VPS13B: variants seen among roughly 807,000 people sequenced by gnomAD.
The protein encoded by VPS13B is intermembrane lipid transfer protein VPS13B.
A neutral mutation model predicts 426.4 loss-of-function variants in VPS13B; 285 were observed. The observed-to-expected ratio is 0.67, with a 90% CI of 0.61 to 0.74. The LOEUF (loss-of-function observed/expected upper bound fraction) is 0.74. Among genes scored for constraint, VPS13B ranks in the 30% least tolerant of loss-of-function variants. VPS13B has a pLI of 0.00. For synonymous variants in VPS13B, 1,676 were observed against 1,676.4 expected, an observed-to-expected ratio of 1.00 and a Z score of 0.01; for missense variants, 4,537 against 4,782.6, an observed-to-expected ratio of 0.95 and a Z score of 1.51.
chr8:99,319,555 T>C (rs1254307962), intron 19 of VPS13B, among the ~76,000 whole-genome samples: 1 of 152,212 alleles, frequency 6.6e-6, no homozygotes, highest in Non-Finnish European at 1.5e-5. Flanking sequence ...TTTTGGACAT[T>C]GAACAACTTC....
rs1329769473 is a variant in VPS13B, at chr8:99,770,967, T to A, written c.7247+3997T>A. On this transcript the variant is annotated intron_variant, in intron 40 of 61. Transcript: ENST00000357162. ...AAAGGAATCATGAGCCCTACTCTCT[T>A]GGGCCAGCCTGGCAGGTTCCCTGGG... Among the ~76,000 whole-genome samples, 5 of 152,326 alleles carry A rather than the reference T, an allele frequency of 3.3e-5. No individual in the cohort carries two copies. In the East Asian group the frequency reaches 9.7e-4, roughly 29 times the overall value.
At chr8:99,472,962 G>A (rs1819491165) in intron 24 of VPS13B, among the ~76,000 whole-genome samples, 1 of 151,956 alleles carries the variant, frequency 6.6e-6, no homozygotes, top group Non-Finnish European at 1.5e-5. Context: ...GTTGACACAA[G>A]AAGAAAAGAG....
At chr8:99,128,319 G>A (rs1256215863) in intron 8 of VPS13B, among the ~76,000 whole-genome samples, 2 of 146,614 alleles carry the variant, frequency 1.4e-5, no homozygotes, top group Non-Finnish European at 3.0e-5. Context: ...CCTGGGAGGT[G>A]GAGGTTGCAG....
intron 29 of VPS13B, among the ~76,000 whole-genome samples, chr8:99,512,619 G>A (rs1363754398): frequency 6.6e-6 from 1 of 152,170 alleles, no homozygotes; most frequent in Non-Finnish European, 1.5e-5. Context: ...AACTGAGAAT[G>A]GGAGGAAAAC....
intron 17 of VPS13B, among the ~76,000 whole-genome samples, chr8:99,228,209 GA>G (rs2132848676): frequency 6.6e-6 from 1 of 152,252 alleles, no homozygotes. Context: ...TGTAATTTGT[GA>G]AATGCTTTTC....
chr8:99,786,624 T>G (rs746578808), intron 43 of VPS13B, among the ~76,000 whole-genome samples: 1 of 152,290 alleles, frequency 6.6e-6, no homozygotes, highest in East Asian at 1.9e-4. Flanking sequence ...TCACAAACTC[T>G]AAACATAAAA....
chr8:99,085,643 C>T (rs1845736350), intron 3 of VPS13B, among the ~76,000 whole-genome samples: 1 of 152,082 alleles, frequency 6.6e-6, no homozygotes, highest in South Asian at 2.1e-4. Flanking sequence ...TAGGGCAGGC[C>T]TGGTGGTGAC....
rs1233207817 is a variant in VPS13B, at chr8:99,853,642, A to C, written c.10253A>C (p.Tyr3418Ser). 6.2e-7 allele frequency: 1 copy of C among 1,614,002 alleles called. No individual in the cohort carries two copies. The highest frequency in any genetic ancestry group is 8.5e-7 in the Non-Finnish European group (1 of 1,180,022). Residue 3418 changes from tyrosine to serine, a missense_variant, in exon 56 of 62, where the codon TAC (tyrosine) becomes TCC (serine). Transcript: ENST00000357162. ...EEPVAALFEL[Y>S]CVEICCGDLQ... ...CCTGTGGCTGCGTTGTTTGAACTTT[A>C]CTGTGTGGAGATCTGCTGTGGGGAC...
chr8:99,375,480 C>T (rs535724889), intron 19 of VPS13B, among the ~76,000 whole-genome samples: 1 of 152,232 alleles, frequency 6.6e-6, no homozygotes, highest in African/African-American at 2.4e-5. Flanking sequence ...TACGCACATA[C>T]CATACATGTA....
chr8:99,785,950 C>T lies in VPS13B; in HGVS notation c.7941+1474C>T, dbSNP rs140904574. Among the ~76,000 whole-genome samples, 977 of 152,298 alleles carry T rather than the reference C, an allele frequency of 6.4e-3. 11 individuals carry two copies. The highest frequency in any genetic ancestry group is 0.011 in the Non-Finnish European group (729 of 68,012). On this transcript the variant is annotated intron_variant, in intron 43 of 61. Transcript: ENST00000357162. ...CCTGTAGCCACTTTACCGATGCACACACAGCAAGCTCCAGGCCTTAGCCGG... is the reference window on the plus strand; with the variant it reads ...CCTGTAGCCACTTTACCGATGCACATACAGCAAGCTCCAGGCCTTAGCCGG...
chr8:99,140,265 T>A (rs955412187), intron 12 of VPS13B, among the ~76,000 whole-genome samples: 2 of 149,600 alleles, frequency 1.3e-5, no homozygotes, highest in Non-Finnish European at 3.0e-5. Context: ...CTTGGGAGGC[T>A]GAGGCAGGAG....
At chr8:99,757,083 G>A (rs1810676802) in intron 39 of VPS13B, among the ~76,000 whole-genome samples, 1 of 152,168 alleles carries the variant, frequency 6.6e-6, no homozygotes, top group Non-Finnish European at 1.5e-5. Context: ...TACCACAGCT[G>A]CCATCACTAC....
chr8:99,392,408 CCT>C (rs1213980434), intron 21 of VPS13B, among the ~76,000 whole-genome samples: 1 of 151,298 alleles, frequency 6.6e-6, no homozygotes, highest in African/African-American at 2.4e-5. Flanking sequence ...TTCTTCTTAA[CCT>C]CTAATTTTTA....
chr8:99,818,714 T>C lies in VPS13B; in HGVS notation c.8447T>C (p.Ile2816Thr), dbSNP rs760064540. The change falls in exon 47 of 62, where the codon ATT (isoleucine) becomes ACT (threonine). Residue 2816 changes from isoleucine (I) to threonine (T), a missense_variant and splice_region_variant. By Grantham distance (89) the Ile-to-Thr change is moderately conservative. Coordinates refer to ENST00000357162, the MANE Select transcript of VPS13B (RefSeq NM_152564.5). The stretch of plus-strand genomic sequence containing the variant: ...TGTTCTATCCTTTTATTTTTATAGA[T>C]TGTGTTCAGCCCTCTTTTTATCATG... ...EPNSQVQQRMIVFSPLFIMRS... is the reference protein window; with the variant it reads ...EPNSQVQQRMTVFSPLFIMRS... 1 of 1,613,820 alleles carries C rather than the reference T, an allele frequency of 6.2e-7. No homozygotes were observed. Among genetic ancestry groups the C allele is most frequent in the Non-Finnish European group, 8.5e-7 (1 of 1,179,944 alleles).
rs1417733025 is a variant in VPS13B, at chr8:99,103,044, C to T, written c.504C>T (p.Val168=). The T allele has an allele frequency of 6.2e-7, 1 of 1,613,782 alleles. No individual in the cohort carries two copies. Among genetic ancestry groups the T allele is most frequent in the Non-Finnish European group, 8.5e-7 (1 of 1,179,818 alleles). The change falls in exon 5 of 62, where the codon GTC becomes GTT. Residue 168 remains valine, a synonymous_variant. Coordinates refer to ENST00000357162, the MANE Select transcript of VPS13B (RefSeq NM_152564.5). ...TAAAATATGTTGAAGATGATATCGT[C>T]CTTTCCGTCAATATCACTTCTGCAG... ...LILKYVEDDI[V]LSVNITSAEC... is the part of the protein sequence containing the mutation.
At chr8:99,875,341 C>A (rs539368802) in intron 61 of VPS13B, 77 bp from the exon 62 acceptor site, 1 of 1,592,142 alleles carries the variant, frequency 6.3e-7, no homozygotes, top group Non-Finnish European at 8.6e-7. Context: ...ACAAATATAT[C>A]GAGGCAAAAG....
At chr8:99,454,291 C>T (rs535271068) in intron 23 of VPS13B, among the ~76,000 whole-genome samples, 216 of 152,166 alleles carry the variant, frequency 1.4e-3, no homozygotes, top group Admixed American at 2.5e-3. Context: ...CTCAAGTAAT[C>T]CTCCTGAGGA....
At chr8:99,123,024 G>A (rs1848021775) in intron 8 of VPS13B, among the ~76,000 whole-genome samples, 1 of 149,866 alleles carries the variant, frequency 6.7e-6, no homozygotes, top group Non-Finnish European at 1.5e-5. Flanking sequence ...GGGAGGCTAA[G>A]GCAGGAGAAT....
At chr8:99,242,627 C>A (rs568871274) in intron 17 of VPS13B, among the ~76,000 whole-genome samples, 1 of 152,232 alleles carries the variant, frequency 6.6e-6, no homozygotes, top group Admixed American at 6.5e-5. Flanking sequence ...ATCTGAAACA[C>A]ACTGAATTTG....
Sources: gnomAD v4.1 joint callset for allele counts (sites outside exome capture counted in the v4.1 genomes callset) on GRCh38, gnomAD v4.1.1 for gene constraint, MANE v1.5 for transcripts, NCBI Gene and HGNC (gene_info 2026-07-23, HGNC 2026-07-21) for gene names.